PTPRA: variants seen among roughly 807,000 people sequenced by gnomAD.
PTPRA encodes receptor-type tyrosine-protein phosphatase alpha.
A neutral mutation model predicts 104.8 loss-of-function variants in PTPRA; 25 were observed. The observed-to-expected ratio is 0.24, with a 90% CI of 0.17 to 0.33. The LOEUF (loss-of-function observed/expected upper bound fraction) is 0.33. PTPRA is among the 10% of genes least tolerant of loss of function. The pLI is 1.00. For synonymous variants in PTPRA, 323 were observed against 368.9 expected (o/e 0.88, Z 1.43); for missense variants, 765 against 1,015.3 (o/e 0.75, Z 3.35).
rs539878856 is a variant in PTPRA, at chr20:2,873,983, C to A, written c.-129+223C>A. Among the ~76,000 whole-genome samples the A allele has an allele frequency of 3.9e-5, 6 of 152,330 alleles. No individual in the cohort carries two copies. The highest frequency in any genetic ancestry group is 1.3e-4 in the Admixed American group (2 of 15,310). On this transcript the variant is annotated intron_variant, in intron 1 of 23. Transcript: ENST00000399903. This position sits in a 1 kb window ranked among gnomAD's most constrained non-coding sequence, Gnocchi z 4.4. ...AAACGTGCCGGCCCGAGTGCCGACC[C>A]CTCGCGACTGCCCAGGAACTTTGCA... is the stretch of plus-strand genomic sequence containing the variant.
At chr20:3,028,263 C>T (rs4574173) in intron 20 of PTPRA, among the ~76,000 whole-genome samples, 42,296 of 152,030 alleles carry the variant, frequency 0.28, 6,217 homozygotes, top group East Asian at 0.5. Context: ...ATATGAGTGT[C>T]CCTAAGAAGG....
At chr20:2,992,181 T>A (rs1165155260) in intron 9 of PTPRA, among the ~76,000 whole-genome samples, 2 of 152,218 alleles carry the variant, frequency 1.3e-5, no homozygotes, top group Non-Finnish European at 2.9e-5. Context: ...AATGGGATTC[T>A]GCTGGGCATG....
intron 9 of PTPRA, among the ~76,000 whole-genome samples, chr20:3,002,839 T>C (rs1169752141): frequency 6.6e-6 from 1 of 152,186 alleles, no homozygotes; most frequent in Non-Finnish European, 1.5e-5. Context: ...TTCAAGGACC[T>C]ACCTGGAAAT....
upstream of PTPRA, among the ~76,000 whole-genome samples, chr20:2,868,917 A>G (rs190586287): frequency 1.4e-3 from 207 of 152,290 alleles, 2 homozygotes; most frequent in East Asian, 7.7e-4. Context: ...GTGAGAAATA[A>G]CTTTTAACTG....
intron 5 of PTPRA, among the ~76,000 whole-genome samples, chr20:2,969,206 C>CT (rs1317508643): frequency 6.7e-6 from 1 of 149,382 alleles, no homozygotes; most frequent in East Asian, 2.0e-4. Context: ...ACCCGAGACT[C>CT]TATCTCAAAA....
chr20:2,866,431 G>A, the PTPRA span: 42 of 1,614,176 alleles, frequency 2.6e-5, no homozygotes, highest in African/African-American at 4.5e-4. Context: ...AAACCACAGC[G>A]ATGTGGCTCA....
chr20:2,868,618 CTTTTTTTTTTTTTTTTTTT>C (rs56081198), upstream of PTPRA, among the ~76,000 whole-genome samples: 17 of 45,218 alleles, frequency 3.8e-4, 1 homozygote, highest in East Asian at 9.6e-3. Context: ...TCATTCTGGG[CTTTTTTTTTTTTTTTTTTT>C]TTTTTTTTTT....
At chr20:2,900,265 TC>T (rs1009571934) in intron 1 of PTPRA, among the ~76,000 whole-genome samples, 4 of 152,066 alleles carry the variant, frequency 2.6e-5, no homozygotes, top group Non-Finnish European at 5.9e-5. Context: ...CGCCTCAGAC[TC>T]CTGAGTATCT....
intron 2 of PTPRA, among the ~76,000 whole-genome samples, chr20:2,939,845 G>T (rs1160595063): frequency 1.3e-5 from 2 of 152,176 alleles, no homozygotes; most frequent in Admixed American, 6.6e-5. Context: ...GGTGGCTGAC[G>T]CCTACAATCC....
At chr20:2,994,762 T>G (rs1388188048) in intron 9 of PTPRA, among the ~76,000 whole-genome samples, 2 of 152,212 alleles carry the variant, frequency 1.3e-5, no homozygotes, top group Non-Finnish European at 2.9e-5. Flanking sequence ...AGCTCAACAT[T>G]AAAACCATGG....
chr20:2,904,949 A>G (rs1006664748), intron 1 of PTPRA, among the ~76,000 whole-genome samples: 9 of 152,190 alleles, frequency 5.9e-5, no homozygotes, highest in Non-Finnish European at 1.3e-4. Flanking sequence ...TATATAGAGC[A>G]GGGATACCCA....
chr20:2,953,216 G>A (rs1193512375), intron 3 of PTPRA, among the ~76,000 whole-genome samples: 2 of 151,528 alleles, frequency 1.3e-5, no homozygotes, highest in Non-Finnish European at 2.9e-5. Context: ...AACCCTTGTT[G>A]TTTTCTGGAT....
intron 22 of PTPRA, among the ~76,000 whole-genome samples, chr20:3,036,808 A>C (rs2065821921): frequency 6.6e-6 from 1 of 152,096 alleles, no homozygotes; most frequent in Non-Finnish European, 1.5e-5. Flanking sequence ...TTGTCAGAAA[A>C]AGGGAAAGAC....
Position 3,037,025 on chromosome 20 carries a change from T to C in PTPRA, c.2199-129T>C. 1.5e-6 allele frequency: 2 copies of C among 1,311,988 alleles called. No individual in the cohort carries two copies. The highest frequency in any genetic ancestry group is 2.1e-6 in the Non-Finnish European group (2 of 946,328). 81.3% of individuals were successfully genotyped at this position (1,311,988 alleles called of 1,614,324 possible). On this transcript the variant is annotated intron_variant, in intron 22 of 23. Transcript: ENST00000399903. The surrounding 1 kb of genome is among the most constrained non-coding windows in gnomAD (Gnocchi z 4.3). Reference sequence around the variant, plus strand: ...CTCCCGACCCAGAACCCCTCCAGGCTGGTGGGTCCACAGGGCAAAGGCGAG... The same window carrying C: ...CTCCCGACCCAGAACCCCTCCAGGCCGGTGGGTCCACAGGGCAAAGGCGAG...
intron 14 of PTPRA, among the ~76,000 whole-genome samples, chr20:3,021,669 T>C (rs1174435359): frequency 6.6e-6 from 1 of 152,198 alleles, no homozygotes; most frequent in Admixed American, 6.5e-5. Flanking sequence ...CCAAGCACTG[T>C]GGAAAGGGAG....
intron 6 of PTPRA, among the ~76,000 whole-genome samples, chr20:2,980,849 T>C (rs2062643975): frequency 6.6e-6 from 1 of 152,226 alleles, no homozygotes; most frequent in Admixed American, 6.5e-5. Flanking sequence ...ATTGAGTGGC[T>C]TAGACTGTGC....
At chr20:3,012,204 G>GTTCA (rs1305256868) in intron 11 of PTPRA, among the ~76,000 whole-genome samples, 1 of 152,224 alleles carries the variant, frequency 6.6e-6, no homozygotes. Flanking sequence ...ATTGAAAAGT[G>GTTCA]TTCAAGGCAG....
chr20:3,022,767 C>T lies in PTPRA; in HGVS notation c.1407C>T (p.Asp469=), dbSNP rs752206816. 2 of 1,614,094 alleles carry T rather than the reference C, an allele frequency of 1.2e-6. No individual in the cohort carries two copies. Among genetic ancestry groups the T allele is most frequent in the Non-Finnish European group, 8.5e-7 (1 of 1,180,030 alleles). ...LDMMHTERKV[D]VYGFVSRIRA... is the part of the protein sequence containing the mutation. Reference sequence around the variant, plus strand: ...TGATGCATACAGAACGGAAGGTGGACGTGTATGGCTTTGTGAGCCGGATCC... The same window carrying T: ...TGATGCATACAGAACGGAAGGTGGATGTGTATGGCTTTGTGAGCCGGATCC... The change falls in exon 16 of 24, where the codon GAC becomes GAT. Residue 469 remains aspartate (D), a synonymous_variant. Transcript: ENST00000399903. This position sits in a 1 kb window ranked among gnomAD's most constrained non-coding sequence, Gnocchi z 4.6.
the PTPRA span, chr20:2,866,409 C>T: frequency 6.2e-7 from 1 of 1,614,128 alleles, no homozygotes. Flanking sequence ...AACACCACCT[C>T]CTCTCTTGCT....
Sources: allele counts gnomAD v4.1 joint callset (sites outside exome capture counted in the v4.1 genomes callset), GRCh38; gene constraint gnomAD v4.1.1; non-coding constraint Gnocchi (gnomAD v3.1); transcripts MANE v1.5; gene names NCBI Gene and HGNC (gene_info 2026-07-23, HGNC 2026-07-21).